The following ERVV-2 variants were observed in gnomAD, a reference collection of about 807,000 sequenced individuals.
ERVV-2 encodes endogenous retrovirus group V member 2 Env polyprotein.
For missense variants in ERVV-2, 291 were observed against 495.1 expected (o/e 0.59, Z 3.91); for synonymous variants, 105 against 184.6 (o/e 0.57, Z 3.49).
rs1332852068 is a variant in ERVV-2 at position 53,049,081 on chromosome 19, G to A, written c.-171G>A. 1.4e-5 allele frequency: 10 copies of A among 737,324 alleles called. No homozygotes were observed. The South Asian group carries it at 1.7e-4, about 13-fold the overall frequency. 45.7% of individuals were successfully genotyped at this position (737,324 alleles called of 1,614,324 possible). A position where few individuals can be genotyped will look rare whatever the true frequency, so the allele number is the denominator to read the frequency against. ...GTCAATCTCAGTACGGGGAATCTTG[G>A]TTGCGGTGGCATTGGTTCTTCTCCT... On this transcript the variant is annotated 5_prime_UTR_variant, in exon 2 of 2. Coordinates refer to ENST00000601417, the MANE Select transcript of ERVV-2 (RefSeq NM_001191055.2).
Position 53,048,962 on chromosome 19 carries a change from C to G in ERVV-2, c.-290C>G. 1 of 561,744 alleles carries G rather than the reference C, an allele frequency of 1.8e-6. No homozygotes were observed. Among genetic ancestry groups the G allele is most frequent in the Admixed American group, 3.1e-5 (1 of 31,834 alleles). 34.8% of individuals were successfully genotyped at this position (561,744 alleles called of 1,614,324 possible). ...ACCACAGAAGAACAACAGAATTCAG[C>G]ACCTGAGCATTCTTGTGAGCCACTG... On this transcript the variant is annotated 5_prime_UTR_variant, in exon 2 of 2. Coordinates refer to ENST00000601417, the MANE Select transcript of ERVV-2 (RefSeq NM_001191055.2).
chr19:53,050,134 G>T lies in ERVV-2; in HGVS notation c.883G>T (p.Glu295Ter). Residue 295 changes from glutamate to a stop codon, truncating the protein, a stop_gained, in exon 2 of 2, where the codon GAA becomes TAA. Transcript: ENST00000601417. LOFTEE classifies it low-confidence loss of function (END_TRUNC). ...TCINNIQHTG[E>*]CAVGLLGPRG... is the part of the protein sequence containing the mutation. ...CATTAATAACATCCAACATACGGGA[G>T]AATGTGCTGTGGGACTTTTGGGACC... 3.4e-6 allele frequency: 5 copies of T among 1,480,642 alleles called. No individual in the cohort carries two copies. The highest frequency in any genetic ancestry group is 4.5e-6 in the Non-Finnish European group (5 of 1,104,398). The allele number at this position is 1,480,642 out of a possible 1,614,324, so 91.7% of individuals were successfully genotyped here.
Position 53,050,087 on chromosome 19 carries a change from C to T in ERVV-2, c.836C>T (p.Pro279Leu), listed in dbSNP as rs1009371429. The part of the protein sequence containing the change: ...GSPKITYSTP[P>L]VANLYTCINN... ...CCTAAGATAACCTATTCAACCCCCC[C>T]TGTGGCAAACCTCTACACTTGCATT... Residue 279 changes from proline to leucine, a missense_variant, in exon 2 of 2, where the codon CCT (proline) becomes CTT (leucine). Transcript: ENST00000601417. 3 of 1,472,576 alleles carry T rather than the reference C, an allele frequency of 2.0e-6. No homozygotes were observed. The East Asian group carries it at 7.4e-5, about 36-fold the overall frequency. 91.2% of individuals were successfully genotyped at this position (1,472,576 alleles called of 1,614,324 possible). A position where few individuals can be genotyped will look rare whatever the true frequency, so the allele number is the denominator to read the frequency against.
rs760262219 is a variant in ERVV-2 at position 53,050,847 on chromosome 19, A to G, written c.1596A>G (p.Glu532=). 41 of 1,530,850 alleles carry G rather than the reference A, an allele frequency of 2.7e-5. No individual in the cohort carries two copies. The highest frequency in any genetic ancestry group is 2.9e-5 in the Non-Finnish European group (33 of 1,144,862). The allele number at this position is 1,530,850 out of a possible 1,614,324, so 94.8% of individuals were successfully genotyped here. A position where few individuals can be genotyped will look rare whatever the true frequency, so the allele number is the denominator to read the frequency against. The stretch of plus-strand genomic sequence containing the variant: ...AAAGATTCCGGGAAACTATGGAGGA[A>G]TTTTCTCTCTGAGACAGAGCAAGAG... ...SGQRFRETME[E]FSL The change falls in exon 2 of 2, where the codon GAA becomes GAG. Residue 532 remains glutamate (E), a synonymous_variant. Transcript: ENST00000601417.
chr19:53,046,591 AC>A (rs1476470532), intron 1 of ERVV-2, among the ~76,000 whole-genome samples: 3 of 152,190 alleles, frequency 2.0e-5, no homozygotes, highest in South Asian at 2.1e-4. Flanking sequence ...GGACTAAAAA[AC>A]CAGAATCAAC....
At chr19:53,046,008 T>C (rs2145384813) in intron 1 of ERVV-2, among the ~76,000 whole-genome samples, 1 of 152,240 alleles carries the variant, frequency 6.6e-6, no homozygotes, top group South Asian at 2.1e-4. Flanking sequence ...ATGCCTGTAA[T>C]CTCAGCACTC....
rs1371306752 is a variant in ERVV-2 at position 53,050,896 on chromosome 19, G to A, written c.*37G>A. On this transcript the variant is annotated 3_prime_UTR_variant, in exon 2 of 2. Coordinates refer to ENST00000601417, the MANE Select transcript of ERVV-2 (RefSeq NM_001191055.2). ...AGAGGGAGACCCTGATGACTTCTTC[G>A]CCCCATGTCAGCAGGAAGTAGTTAC... 42 of 1,464,700 alleles carry A rather than the reference G, an allele frequency of 2.9e-5. No individual in the cohort carries two copies. The highest frequency in any genetic ancestry group is 1.8e-4 in the Middle Eastern group (1 of 5,618). The allele number at this position is 1,464,700 out of a possible 1,614,324, so 90.7% of individuals were successfully genotyped here.
Position 53,050,856 on chromosome 19 carries a change from C to A in ERVV-2, c.1605C>A (p.Leu535=). ...GGGAAACTATGGAGGAATTTTCTCT[C>A]TGAGACAGAGCAAGAGAGGGAGACC... is the stretch of plus-strand genomic sequence containing the variant. ...RFRETMEEFS[L] The change falls in exon 2 of 2, where the codon CTC becomes CTA. Residue 535 remains leucine (L), a synonymous_variant. Transcript: ENST00000601417. 6.6e-7 allele frequency: 1 copy of A among 1,524,930 alleles called. No individual in the cohort carries two copies. The highest frequency in any genetic ancestry group is 8.8e-7 in the Non-Finnish European group (1 of 1,142,470). 94.5% of individuals were successfully genotyped at this position (1,524,930 alleles called of 1,614,324 possible).
chr19:53,048,061 G>A lies in ERVV-2; in HGVS notation c.-385-806G>A, dbSNP rs2083897509. Among the ~76,000 whole-genome samples, 3 of 152,284 alleles carry A rather than the reference G, an allele frequency of 2.0e-5. No individual in the cohort carries two copies. The South Asian group carries it at 6.2e-4, about 32-fold the overall frequency. The stretch of plus-strand genomic sequence containing the variant: ...AAGAAAAAGAAAAGGAAAGGAAACA[G>A]CCAAGGGCGGTGGCTCACGCCTGTA... On this transcript the variant is annotated intron_variant, in intron 1 of 1. Coordinates refer to ENST00000601417, the MANE Select transcript of ERVV-2 (RefSeq NM_001191055.2).
At chr19:53,048,249 C>A (rs1239195205) in intron 1 of ERVV-2, among the ~76,000 whole-genome samples, 1 of 152,058 alleles carries the variant, frequency 6.6e-6, no homozygotes, top group African/African-American at 2.4e-5. Flanking sequence ...TGGCGGTCAC[C>A]TGTAATCTCA....
intron 1 of ERVV-2, among the ~76,000 whole-genome samples, 192 bp from the exon 2 acceptor site, chr19:53,048,675 C>CAAAAAAA (rs34725225): frequency 6.5e-5 from 6 of 92,200 alleles, no homozygotes; most frequent in South Asian, 4.0e-4. Context: ...AATTCCATCT[C>CAAAAAAA]AAAAAAAAAA....
chr19:53,051,136 CTTTTTTTTTTTTTTTT>C lies in ERVV-2; in HGVS notation c.*290_*305del, dbSNP rs57887970. 9 of 111,264 alleles carry C rather than the reference CTTTTTTTTTTTTTTTT, an allele frequency of 8.1e-5. No individual in the cohort carries two copies. Among genetic ancestry groups the C allele is most frequent in the Non-Finnish European group, 1.4e-4 (9 of 64,600 alleles). 6.9% of individuals were successfully genotyped at this position (111,264 alleles called of 1,614,324 possible). On this transcript the variant is annotated 3_prime_UTR_variant, in exon 2 of 2. Transcript: ENST00000601417. ...TAACCCATCCTAGAACAGCCTTTTG[CTTTTTTTTTTTTTTTT>C]TTTTTTTTTTTTGAGACAAGTTCTT...
chr19:53,046,827 G>C (rs1030826849), intron 1 of ERVV-2, among the ~76,000 whole-genome samples: 4 of 152,170 alleles, frequency 2.6e-5, no homozygotes, highest in African/African-American at 4.8e-5. Flanking sequence ...CAAGGCGGGC[G>C]TGTCACCCGA....
chr19:53,048,890 A>T lies in ERVV-2; in HGVS notation c.-362A>T, dbSNP rs2083900868. On this transcript the variant is annotated 5_prime_UTR_variant, in exon 2 of 2. Transcript: ENST00000601417. ...AGCTATCAACATTTCTGGCATCTCCAGTTGGATACATCAGTCTCAAGTGAA... is the reference window on the plus strand; with the variant it reads ...AGCTATCAACATTTCTGGCATCTCCTGTTGGATACATCAGTCTCAAGTGAA... 4.8e-6 allele frequency: 2 copies of T among 416,268 alleles called. No homozygotes were observed. The highest frequency in any genetic ancestry group is 5.0e-5 in the South Asian group (2 of 40,094). 25.8% of individuals were successfully genotyped at this position (416,268 alleles called of 1,614,324 possible).
Position 53,050,189 on chromosome 19 carries a change from C to A in ERVV-2, c.938C>A (p.Thr313Asn). The A allele has an allele frequency of 2.3e-6, 3 of 1,298,932 alleles. No homozygotes were observed. Among genetic ancestry groups the A allele is most frequent in the Non-Finnish European group, 3.2e-6 (3 of 940,100 alleles). The allele number at this position is 1,298,932 out of a possible 1,614,324, so 80.5% of individuals were successfully genotyped here. Residue 313 changes from threonine (T) to asparagine (N), a missense_variant, in exon 2 of 2, where the codon ACC becomes AAC. Coordinates refer to ENST00000601417, the MANE Select transcript of ERVV-2 (RefSeq NM_001191055.2). ...PRGIGVTIYN[T>N]TQPRQKRALG... ...GGGATAGGTGTGACCATTTATAACA[C>A]CACCCAACCCAGACAGAAAAGAGCT...
At chr19:53,045,249 TTG>T in intron 1 of ERVV-2, among the ~76,000 whole-genome samples, 1 of 152,218 alleles carries the variant, frequency 6.6e-6, no homozygotes, top group Non-Finnish European at 1.5e-5. Flanking sequence ...TGCAGGAGGC[TTG>T]TGAAGGTGGC....
Position 53,048,970 on chromosome 19 carries a change from C to A in ERVV-2, c.-282C>A, listed in dbSNP as rs373463923. The A allele has an allele frequency of 3.0e-5, 17 of 575,230 alleles. No individual in the cohort carries two copies. Among genetic ancestry groups the A allele is most frequent in the Non-Finnish European group, 5.2e-5 (17 of 326,566 alleles). 35.6% of individuals were successfully genotyped at this position (575,230 alleles called of 1,614,324 possible). On this transcript the variant is annotated 5_prime_UTR_variant, in exon 2 of 2. Transcript: ENST00000601417. ...AGAACAACAGAATTCAGCACCTGAGCATTCTTGTGAGCCACTGGAGAACTT... is the reference window on the plus strand; with the variant it reads ...AGAACAACAGAATTCAGCACCTGAGAATTCTTGTGAGCCACTGGAGAACTT...
In ERVV-2 at chr19:53,050,677, T is replaced by G. The variant is rs150188507; in HGVS notation, c.1426T>G (p.Cys476Gly). ...ACTCTTACTTTTCCTCTTTGGCCCT[T>G]GTTTCTTTAATTTACTGATTAAGTG... ...VILLLFLFGPCFFNLLIKCVS... is the reference protein window; with the variant it reads ...VILLLFLFGPGFFNLLIKCVS... Residue 476 changes from cysteine to glycine, a missense_variant, in exon 2 of 2, where the codon TGT becomes GGT. Cys to Gly is a radical substitution (Grantham distance 159). Coordinates refer to ENST00000601417, the MANE Select transcript of ERVV-2 (RefSeq NM_001191055.2). The G allele has an allele frequency of 1.9e-5, 29 of 1,518,278 alleles. No individual in the cohort carries two copies. In the East Asian group the frequency reaches 6.6e-4, roughly 35 times the overall value. The allele number at this position is 1,518,278 out of a possible 1,614,324, so 94.1% of individuals were successfully genotyped here.
intron 1 of ERVV-2, among the ~76,000 whole-genome samples, chr19:53,046,628 C>T (rs776799781): frequency 3.3e-5 from 5 of 152,220 alleles, no homozygotes; most frequent in Non-Finnish European, 7.3e-5. Context: ...CTCTGAGCCC[C>T]AGGGGGTCTT....
Sources: gnomAD v4.1 joint callset for allele counts (sites outside exome capture counted in the v4.1 genomes callset) on GRCh38, gnomAD v4.1.1 for gene constraint, MANE v1.5 for transcripts, NCBI Gene and HGNC (gene_info 2026-07-23, HGNC 2026-07-21) for gene names.